C1orf21: variants seen among roughly 807,000 people sequenced by gnomAD.
C1orf21 encodes chromosome 1 open reading frame 21, also known as uncharacterized protein C1orf21.
C1orf21 carries 3 observed loss-of-function variants against 18.7 expected under a neutral mutation model. The observed-to-expected ratio is 0.16, with a 90% CI of 0.07 to 0.42. The LOEUF (loss-of-function observed/expected upper bound fraction) is 0.42, where lower values mean the gene tolerates loss of function less well. C1orf21 is among the 10% of genes least tolerant of loss of function. The pLI is 0.99. For missense variants in C1orf21, 104 were observed against 143.6 expected, an observed-to-expected ratio of 0.72 and a Z score of 1.41; for synonymous variants, 41 against 46.4, an observed-to-expected ratio of 0.88 and a Z score of 0.47.
intron 3 of C1orf21, among the ~76,000 whole-genome samples, chr1:184,526,166 G>A (rs1286386281): frequency 1.3e-5 from 2 of 152,236 alleles, no homozygotes; most frequent in East Asian, 3.9e-4. Flanking sequence ...TTGCCTTATT[G>A]TTGAAGGTTT....
intron 1 of C1orf21, among the ~76,000 whole-genome samples, chr1:184,444,477 C>T (rs1051313517): frequency 6.6e-6 from 1 of 152,064 alleles, no homozygotes; most frequent in East Asian, 1.9e-4. Context: ...GTAAGAAGTG[C>T]GTTTCACCTC....
intron 4 of C1orf21, among the ~76,000 whole-genome samples, chr1:184,593,978 G>A (rs570842811): frequency 9.2e-5 from 14 of 152,290 alleles, no homozygotes; most frequent in Admixed American, 4.6e-4. Context: ...CTATATAAAA[G>A]CGAAGTGAGG....
intron 5 of C1orf21, among the ~76,000 whole-genome samples, chr1:184,606,030 G>A (rs1221824453): frequency 2.6e-5 from 4 of 152,108 alleles, no homozygotes; most frequent in East Asian, 1.9e-4. Context: ...TAGTAGAATC[G>A]CACAGTTTCC....
At chr1:184,593,559 T>C (rs574973245) in intron 4 of C1orf21, among the ~76,000 whole-genome samples, 50 of 152,328 alleles carry the variant, frequency 3.3e-4, no homozygotes, top group African/African-American at 1.2e-3. Flanking sequence ...TTTAATGCTT[T>C]AGTTTGATAT....
chr1:184,512,902 C>T (rs952239727), intron 3 of C1orf21, among the ~76,000 whole-genome samples: 8 of 152,220 alleles, frequency 5.3e-5, no homozygotes. Flanking sequence ...TTTGCATCTG[C>T]TCCTCATCGC....
intron 1 of C1orf21, among the ~76,000 whole-genome samples, chr1:184,453,978 T>C (rs926971452): frequency 6.6e-6 from 1 of 152,220 alleles, no homozygotes; most frequent in South Asian, 2.1e-4. Flanking sequence ...CAAAGCATTA[T>C]ATGGGCAGAA....
chr1:184,401,257 G>A (rs964338846), intron 1 of C1orf21, among the ~76,000 whole-genome samples: 11 of 151,668 alleles, frequency 7.3e-5, no homozygotes, highest in Non-Finnish European at 1.2e-4. Context: ...TTTCACTGTC[G>A]TTGCCCAGGC....
intron 2 of C1orf21, among the ~76,000 whole-genome samples, chr1:184,503,028 T>C (rs562483267): frequency 1.5e-5 from 2 of 136,528 alleles, no homozygotes; most frequent in African/African-American, 5.8e-5. Flanking sequence ...CAGTGAGCCG[T>C]GATCATGCCA....
At chr1:184,455,595 C>T (rs1307494250) in intron 1 of C1orf21, among the ~76,000 whole-genome samples, 5 of 152,194 alleles carry the variant, frequency 3.3e-5, no homozygotes, top group Non-Finnish European at 5.9e-5. Context: ...CGTGAAAATA[C>T]TGCCATCAAT....
At chr1:184,532,685 T>A (rs946189646) in intron 3 of C1orf21, among the ~76,000 whole-genome samples, 1 of 152,198 alleles carries the variant, frequency 6.6e-6, no homozygotes, top group Admixed American at 6.5e-5. Flanking sequence ...AGTTCAAGTT[T>A]ACAGTGAGCT....
At chr1:184,534,471 A>G (rs1404423556) in intron 3 of C1orf21, among the ~76,000 whole-genome samples, 2 of 152,180 alleles carry the variant, frequency 1.3e-5, no homozygotes, top group Admixed American at 6.5e-5. Flanking sequence ...GCTTTTCTGC[A>G]CCATAGATGA....
At chr1:184,570,746 A>G (rs1659096463) in intron 3 of C1orf21, among the ~76,000 whole-genome samples, 1 of 152,226 alleles carries the variant, frequency 6.6e-6, no homozygotes, top group South Asian at 2.1e-4. Context: ...GCCAGATGTA[A>G]TGAAAGTGGC....
chr1:184,597,401 C>T (rs568829908), intron 4 of C1orf21, among the ~76,000 whole-genome samples: 2 of 152,224 alleles, frequency 1.3e-5, no homozygotes, highest in African/African-American at 4.8e-5. Context: ...GGTTTCAGGT[C>T]ACTTGTGCCC....
chr1:184,521,387 C>T (rs886205041), intron 3 of C1orf21, among the ~76,000 whole-genome samples: 5 of 152,002 alleles, frequency 3.3e-5, no homozygotes, highest in African/African-American at 4.8e-5. Flanking sequence ...CCAAGGTGTC[C>T]TTCAATAGAT....
At chr1:184,558,783 G>A (rs1428572908) in intron 3 of C1orf21, among the ~76,000 whole-genome samples, 1 of 152,214 alleles carries the variant, frequency 6.6e-6, no homozygotes, top group Admixed American at 6.5e-5. Flanking sequence ...AATACTAATA[G>A]TGTTTCCTCA....
intron 5 of C1orf21, among the ~76,000 whole-genome samples, chr1:184,617,907 T>C (rs867815364): frequency 1.7e-5 from 1 of 59,698 alleles, no homozygotes; most frequent in African/African-American, 1.8e-4. Flanking sequence ...TGTTGTTGTT[T>C]TTTTTTTTTT....
At chr1:184,555,589 G>T (rs1157147434) in intron 3 of C1orf21, among the ~76,000 whole-genome samples, 1 of 151,984 alleles carries the variant, frequency 6.6e-6, no homozygotes, top group East Asian at 1.9e-4. Context: ...ACAAACACCT[G>T]TTACCTTCTT....
rs565909361 is a variant in C1orf21, at chr1:184,507,441, G to C, written c.95-147G>C. On this transcript the variant is annotated intron_variant, in intron 2 of 5. Transcript: ENST00000235307. ...AAAAAGATCTAAGATGCCTAGTTAA[G>C]CTTCTTCCAGATTGTTCCAAATGAA... The C allele has an allele frequency of 8.6e-5, 54 of 628,430 alleles. No homozygotes were observed. The African/African-American group carries it at 9.7e-4, about 11-fold the overall frequency. 38.9% of individuals were successfully genotyped at this position (628,430 alleles called of 1,614,324 possible).
At position 184,621,803 on chromosome 1, in the gene C1orf21, G is replaced by T. The variant is rs1410601405; in HGVS notation, c.*2247G>T. ...GTTTAATAAAGCCGGAAGTGGTGTT[G>T]CCCTGAACCAGCAGATTTTCACCTG... On this transcript the variant is annotated 3_prime_UTR_variant, in exon 6 of 6. Coordinates refer to ENST00000235307, the MANE Select transcript of C1orf21 (RefSeq NM_030806.4). 3 of 152,162 alleles carry T rather than the reference G, an allele frequency of 2.0e-5. No individual in the cohort carries two copies. The highest frequency in any genetic ancestry group is 7.2e-5 in the African/African-American group (3 of 41,440). 9.4% of individuals were successfully genotyped at this position (152,162 alleles called of 1,614,324 possible).
Sources: allele counts gnomAD v4.1 joint callset (sites outside exome capture counted in the v4.1 genomes callset), GRCh38; gene constraint gnomAD v4.1.1; transcripts MANE v1.5; gene names NCBI Gene and HGNC (gene_info 2026-07-23, HGNC 2026-07-21).